Variants in KANK4 observed in about 807,000 individuals in gnomAD.
KANK4 encodes KN motif and ankyrin repeat domains 4, also known as KN motif and ankyrin repeat domain-containing protein 4.
KANK4 carries 50 observed loss-of-function variants against 80.8 expected under a neutral mutation model. The observed-to-expected ratio is 0.62, with a 90% confidence interval of 0.49 to 0.78. KANK4 has a LOEUF of 0.78. Ranked by LOEUF, KANK4 falls within the 30% of genes least tolerant of loss-of-function variation. KANK4 has a pLI of 0.00. For synonymous variants in KANK4, 465 were observed against 506.9 expected, an observed-to-expected ratio of 0.92 and a Z score of 1.11; for missense variants, 1,196 against 1,240.1, an observed-to-expected ratio of 0.96 and a Z score of 0.53.
At chr1:62,286,676 G>A (rs1672574845) in intron 1 of KANK4, among the ~76,000 whole-genome samples, 1 of 152,136 alleles carries the variant, frequency 6.6e-6, no homozygotes, top group Non-Finnish European at 1.5e-5. Context: ...TCCTAATGAG[G>A]ACGTAGCCTC....
At chr1:62,255,869 C>T (rs774579746) in intron 7 of KANK4, among the ~76,000 whole-genome samples, 4 of 152,120 alleles carry the variant, frequency 2.6e-5, no homozygotes, top group African/African-American at 9.7e-5. Context: ...AGACTGGTCT[C>T]GAACTCTTGA....
rs1672246447 is a variant in KANK4 at position 62,274,217 on chromosome 1, T to C, written c.887A>G (p.Asn296Ser). The C allele has an allele frequency of 6.2e-7, 1 of 1,614,094 alleles. No individual in the cohort carries two copies. The highest frequency in any genetic ancestry group is 8.5e-7 in the Non-Finnish European group (1 of 1,179,990). The part of the protein sequence containing the change: ...PPPLPSPIPE[N>S]ELLLEEIELN... ...CTCGATTTCTTCCAGGAGGAGCTCA[T>C]TCTCAGGGATGGGTGATGGCAGAGG... The change falls in exon 3 of 10, where the codon AAT becomes AGT. Residue 296 changes from asparagine (N) to serine (S), a missense_variant. Physicochemically the swap from Asn to Ser is conservative, Grantham distance 46. Around this residue, in one of 3 missense-constraint regions of KANK4, gnomAD observed 1,154 missense variants for 1,179.6 expected, o/e 0.98. Transcript: ENST00000371153.
At chr1:62,271,919 G>A (rs1489131549) in intron 3 of KANK4, 3 of 288,940 alleles carry the variant, frequency 1.0e-5, no homozygotes, top group African/African-American at 2.2e-5. Context: ...GGAGCAGAAC[G>A]TAGGCCTCTG....
At chr1:62,262,143 C>G (rs1671900834) in intron 7 of KANK4, among the ~76,000 whole-genome samples, 1 of 152,202 alleles carries the variant, frequency 6.6e-6, no homozygotes, top group African/African-American at 2.4e-5. Flanking sequence ...TAAAAAGTAT[C>G]TTCTGAAGAT....
At position 62,273,191 on chromosome 1, in the gene KANK4, T is replaced by G; in HGVS notation, c.1900+13A>C. On this transcript the variant is annotated intron_variant, in intron 3 of 9. Coordinates refer to ENST00000371153, the MANE Select transcript of KANK4 (RefSeq NM_181712.5). ...GGCTCCCTGTCTCAGGCCCCTATAT[T>G]GATGGTATTTACCCACTGGCGGGGA... The G allele has an allele frequency of 6.7e-7, 1 of 1,494,256 alleles. No individual in the cohort carries two copies. Among genetic ancestry groups the G allele is most frequent in the South Asian group, 1.4e-5 (1 of 71,304 alleles). 92.6% of individuals were successfully genotyped at this position (1,494,256 alleles called of 1,614,324 possible).
chr1:62,238,388 G>C lies in KANK4; in HGVS notation c.2884-7C>G. The C allele has an allele frequency of 6.2e-7, 1 of 1,612,248 alleles. No homozygotes were observed. Among genetic ancestry groups the C allele is most frequent in the Non-Finnish European group, 8.5e-7 (1 of 1,178,572 alleles). Reference sequence around the variant, plus strand: ...ACAAAGCTGTGCGGCCAGCCTACAGGAGAAAAAGGAAAGAAGAAATAAATA... The same window carrying C: ...ACAAAGCTGTGCGGCCAGCCTACAGCAGAAAAAGGAAAGAAGAAATAAATA... On this transcript the variant is annotated splice_polypyrimidine_tract_variant and splice_region_variant and intron_variant, in intron 9 of 9. Coordinates refer to ENST00000371153, the MANE Select transcript of KANK4 (RefSeq NM_181712.5).
At chr1:62,316,213 G>A (rs1461896388) in intron 1 of KANK4, among the ~76,000 whole-genome samples, 2 of 152,238 alleles carry the variant, frequency 1.3e-5, no homozygotes, top group Non-Finnish European at 2.9e-5. Context: ...AAGCACAAGT[G>A]ACCCTCCTCC....
rs1156379309 is a variant in KANK4, at chr1:62,290,231, C to A, written c.-70-8597G>T. ...TGATTACTATAAATGGCTATACAAA[C>A]GTCCATTGACTTGCACCTTATTTTC... is the stretch of plus-strand genomic sequence containing the variant. On this transcript the variant is annotated intron_variant, in intron 1 of 9. Transcript: ENST00000371153. Among the ~76,000 whole-genome samples the A allele has an allele frequency of 2.0e-5, 3 of 152,122 alleles. No homozygotes were observed. The South Asian group carries it at 6.2e-4, about 32-fold the overall frequency.
At chr1:62,266,710 T>C (rs2149135706) in intron 6 of KANK4, 22 bp downstream of exon 6, 1 of 1,521,788 alleles carries the variant, frequency 6.6e-7, no homozygotes, top group Admixed American at 1.7e-5. Context: ...AATCTTTACA[T>C]GACAATGAAA....
Position 62,268,328 on chromosome 1 carries a change from T to A in KANK4, c.2190A>T (p.Glu730Asp). Reference sequence around the variant, plus strand: ...GGGGGACTTCTTCCCCAGGCCCACTTTCCTGGGCAGCATGGCAGGTGCCCT... The same window carrying A: ...GGGGGACTTCTTCCCCAGGCCCACTATCCTGGGCAGCATGGCAGGTGCCCT... ...IPEGTCHAAQESGPGEEVPHS... is the reference protein window; with the variant it reads ...IPEGTCHAAQDSGPGEEVPHS... Residue 730 changes from glutamate to aspartate, a missense_variant, in exon 5 of 10, where the codon GAA becomes GAT. Coordinates refer to ENST00000371153, the MANE Select transcript of KANK4 (RefSeq NM_181712.5). 6.2e-7 allele frequency: 1 copy of A among 1,614,010 alleles called. No individual in the cohort carries two copies. The highest frequency in any genetic ancestry group is 1.3e-5 in the African/African-American group (1 of 75,064).
At chr1:62,268,843 C>T (rs757271413) in intron 4 of KANK4, among the ~76,000 whole-genome samples, 9 of 152,228 alleles carry the variant, frequency 5.9e-5, no homozygotes, top group Non-Finnish European at 1.2e-4. Context: ...GGCCATCCAG[C>T]GTTCTCATGA....
At position 62,273,858 on chromosome 1, in the gene KANK4, T is replaced by A. The variant is rs1225464105; in HGVS notation, c.1246A>T (p.Thr416Ser). 1.9e-6 allele frequency: 3 copies of A among 1,614,090 alleles called. No homozygotes were observed. Among genetic ancestry groups the A allele is most frequent in the Admixed American group, 1.7e-5 (1 of 60,004 alleles). ...GTCAAGAGTCCATGGACAGGGTCAG[T>A]GTTCACCATCACGTCCGTCTGGCCC... ...TQGQTDVMVNTDPVHGLLTRE... is the reference protein window; with the variant it reads ...TQGQTDVMVNSDPVHGLLTRE... Residue 416 changes from threonine (T) to serine (S), a missense_variant, in exon 3 of 10, where the codon ACT (threonine) becomes TCT (serine). Around this residue, in one of 3 missense-constraint regions of KANK4, gnomAD observed 1,154 missense variants for 1,179.6 expected, o/e 0.98. Coordinates refer to ENST00000371153, the MANE Select transcript of KANK4 (RefSeq NM_181712.5).
At chr1:62,290,851 T>G (rs1332009584) in intron 1 of KANK4, among the ~76,000 whole-genome samples, 1 of 151,956 alleles carries the variant, frequency 6.6e-6, no homozygotes. Flanking sequence ...TCCACGCCAT[T>G]CTCCTGCCTC....
At chr1:62,246,653 A>C (rs904925173) in intron 9 of KANK4, among the ~76,000 whole-genome samples, 2 of 152,160 alleles carry the variant, frequency 1.3e-5, no homozygotes, top group Non-Finnish European at 2.9e-5. Context: ...GCTGGAGTGC[A>C]GTGGCCTGAC....
intron 1 of KANK4, among the ~76,000 whole-genome samples, chr1:62,286,456 T>A (rs1672566874): frequency 6.6e-6 from 1 of 152,222 alleles, no homozygotes; most frequent in African/African-American, 2.4e-5. Flanking sequence ...TAAGACTGGA[T>A]CTTGCAGAAA....
At chr1:62,286,519 C>A (rs1672567973) in intron 1 of KANK4, among the ~76,000 whole-genome samples, 1 of 152,214 alleles carries the variant, frequency 6.6e-6, no homozygotes, top group African/African-American at 2.4e-5. Flanking sequence ...GAGCTGCCAT[C>A]GCTTCCGAGG....
chr1:62,254,611 T>C (rs1396861931), intron 7 of KANK4, among the ~76,000 whole-genome samples: 1 of 151,392 alleles, frequency 6.6e-6, no homozygotes. Context: ...TGGAGTACAG[T>C]TGCATGATCT....
At chr1:62,261,152 C>CTTTT (rs11322195) in intron 7 of KANK4, among the ~76,000 whole-genome samples, 3 of 68,380 alleles carry the variant, frequency 4.4e-5, no homozygotes, top group Admixed American at 2.3e-4. Context: ...CTCCCAATGG[C>CTTTT]TTTTTTTTTT....
intron 1 of KANK4, among the ~76,000 whole-genome samples, chr1:62,318,264 C>T (rs192942706): frequency 6.6e-6 from 1 of 152,340 alleles, no homozygotes; most frequent in East Asian, 1.9e-4. Context: ...AAGGCTTGCA[C>T]TCCAGGGCGC....
Sources: allele counts gnomAD v4.1 joint callset (sites outside exome capture counted in the v4.1 genomes callset), GRCh38; gene constraint gnomAD v4.1.1; regional missense constraint gnomAD v4.1.1; transcripts MANE v1.5; gene names NCBI Gene and HGNC (gene_info 2026-07-23, HGNC 2026-07-21).